Variants in OR1J2 observed in about 807,000 individuals in gnomAD.
OR1J2 encodes olfactory receptor family 1 subfamily J member 2.
For synonymous variants in OR1J2, 142 were observed against 99.7 expected, an observed-to-expected ratio of 1.42 and a Z score of -2.52; for missense variants, 304 against 246.1, an observed-to-expected ratio of 1.24 and a Z score of -1.57.
At chr9:122,525,293 A>G in the OR1J2 span, among the ~76,000 whole-genome samples, 2 of 152,202 alleles carry the variant, frequency 1.3e-5, no homozygotes, top group Non-Finnish European at 2.9e-5. Flanking sequence ...GTTTGATTCC[A>G]TGAAAGATGC....
At chr9:122,567,582 TGTTTCAG>T in the OR1J2 span, 2 of 1,602,770 alleles carry the variant, frequency 1.2e-6, no homozygotes, top group South Asian at 2.3e-5. Context: ...CCTCAGGCCC[TGTTTCAG>T]GTCTTTGTTT....
chr9:122,550,229 A>G, the OR1J2 span, among the ~76,000 whole-genome samples: 1 of 152,168 alleles, frequency 6.6e-6, no homozygotes, highest in Non-Finnish European at 1.5e-5. Context: ...AAATAAACCA[A>G]TACTGAGTAG....
chr9:122,557,110 T>C, the OR1J2 span, among the ~76,000 whole-genome samples: 88,244 of 151,958 alleles, frequency 0.58, 26,143 homozygotes, highest in East Asian at 0.97. Flanking sequence ...GCTATAATTC[T>C]TTTAGTTCCA....
chr9:122,547,392 G>A, the OR1J2 span, among the ~76,000 whole-genome samples: 1 of 152,042 alleles, frequency 6.6e-6, no homozygotes, highest in African/African-American at 2.4e-5. Context: ...TATTTTATTT[G>A]TATAAACTTA....
At chr9:122,466,057 T>C in the OR1J2 span, among the ~76,000 whole-genome samples, 1 of 152,232 alleles carries the variant, frequency 6.6e-6, no homozygotes, top group East Asian at 1.9e-4. Context: ...TTTCGACTTA[T>C]CATCCAGGTT....
chr9:122,552,519 T>G, the OR1J2 span, among the ~76,000 whole-genome samples: 57 of 152,086 alleles, frequency 3.7e-4, no homozygotes, highest in African/African-American at 1.2e-3. Context: ...AGAGAGTGGC[T>G]CCCTGTCCTA....
the OR1J2 span, among the ~76,000 whole-genome samples, chr9:122,451,858 T>G: frequency 6.6e-6 from 1 of 152,110 alleles, no homozygotes. Flanking sequence ...GGGGGCATAA[T>G]TACACTTCAC....
the OR1J2 span, chr9:122,526,742 C>T: frequency 8.1e-5 from 130 of 1,614,004 alleles, no homozygotes; most frequent in Non-Finnish European, 1.0e-4. Context: ...AACATGACAG[C>T]TTCAGGACAG....
chr9:122,481,047 G>A, the OR1J2 span, among the ~76,000 whole-genome samples: 1 of 152,070 alleles, frequency 6.6e-6, no homozygotes, highest in African/African-American at 2.4e-5. Flanking sequence ...GCCCGCCTCG[G>A]CCTCCCAAAA....
At chr9:122,519,268 T>G in the OR1J2 span, 1 of 1,614,008 alleles carries the variant, frequency 6.2e-7, no homozygotes, top group South Asian at 1.1e-5. Flanking sequence ...CTGGGGAACC[T>G]GCTCATCATC....
the OR1J2 span, among the ~76,000 whole-genome samples, chr9:122,502,971 A>G: frequency 1.3e-5 from 2 of 152,240 alleles, no homozygotes; most frequent in South Asian, 4.1e-4. Context: ...CAAAGAACAT[A>G]TTGCATCTTG....
the OR1J2 span, among the ~76,000 whole-genome samples, chr9:122,531,501 G>C: frequency 6.6e-6 from 1 of 152,210 alleles, no homozygotes; most frequent in Non-Finnish European, 1.5e-5. Context: ...TCTGGAATGA[G>C]ACTGGGGCCT....
chr9:122,544,240 C>T, the OR1J2 span, among the ~76,000 whole-genome samples: 1 of 151,472 alleles, frequency 6.6e-6, no homozygotes, highest in Non-Finnish European at 1.5e-5. Flanking sequence ...AACCATCTAA[C>T]CTTGAATTTT....
chr9:122,513,371 G>A (rs780732012), downstream of OR1J2, among the ~76,000 whole-genome samples: 10 of 152,178 alleles, frequency 6.6e-5, no homozygotes, highest in Admixed American at 2.0e-4. Context: ...TGATCTATGT[G>A]TGGAATATTG....
the OR1J2 span, among the ~76,000 whole-genome samples, chr9:122,533,779 A>G: frequency 3.2e-4 from 49 of 152,236 alleles, no homozygotes; most frequent in African/African-American, 1.1e-3. Flanking sequence ...GGTAATGTGG[A>G]GTGGGTAGCC....
At chr9:122,489,825 G>A in the OR1J2 span, among the ~76,000 whole-genome samples, 4 of 152,236 alleles carry the variant, frequency 2.6e-5, no homozygotes, top group African/African-American at 9.6e-5. Context: ...ACAGATACAT[G>A]GGGAAGGCAC....
chr9:122,539,041 T>G, the OR1J2 span, among the ~76,000 whole-genome samples: 1 of 152,074 alleles, frequency 6.6e-6, no homozygotes, highest in African/African-American at 2.4e-5. Context: ...AATACAAAGA[T>G]AGTACACCTA....
At chr9:122,473,028 T>C in the OR1J2 span, among the ~76,000 whole-genome samples, 1 of 152,344 alleles carries the variant, frequency 6.6e-6, no homozygotes, top group East Asian at 1.9e-4. Context: ...ATGACTTCTA[T>C]ATACCCTTTC....
chr9:122,452,888 T>TGTG, the OR1J2 span, among the ~76,000 whole-genome samples: 1 of 151,742 alleles, frequency 6.6e-6, no homozygotes, highest in Non-Finnish European at 1.5e-5. Context: ...ATTAGCTGGG[T>TGTG]GTGGTGGCGC....
Sources: allele counts gnomAD v4.1 joint callset (sites outside exome capture counted in the v4.1 genomes callset), GRCh38; gene constraint gnomAD v4.1.1; transcripts MANE v1.5; gene names NCBI Gene and HGNC (gene_info 2026-07-23, HGNC 2026-07-21).